PCSK5: variants seen among roughly 807,000 people sequenced by gnomAD.
PCSK5 encodes the protein proprotein convertase subtilisin/kexin type 5, also known as prohormone convertase 5.
A neutral mutation model predicts 233.2 loss-of-function variants in PCSK5; 129 were observed. The observed-to-expected ratio is 0.55, with a 90% confidence interval of 0.48 to 0.64. The LOEUF (loss-of-function observed/expected upper bound fraction) is 0.64. PCSK5 is among the 30% of genes least tolerant of loss of function. PCSK5 has a pLI of 0.00. For missense variants in PCSK5, 2,076 were observed against 2,430.1 expected (o/e 0.85, Z 3.06); for synonymous variants, 825 against 879.2 (o/e 0.94, Z 1.09).
chr9:76,142,844 C>T (rs1823282226), intron 10 of PCSK5, among the ~76,000 whole-genome samples: 1 of 152,150 alleles, frequency 6.6e-6, no homozygotes, highest in Non-Finnish European at 1.5e-5. Flanking sequence ...TCTTTGTAGT[C>T]TGTTTTCTCT....
intron 8 of PCSK5, among the ~76,000 whole-genome samples, chr9:76,106,616 T>C (rs572293440): frequency 1.3e-5 from 2 of 152,386 alleles, no homozygotes; most frequent in Non-Finnish European, 2.9e-5. Flanking sequence ...TGTAATTGCA[T>C]ATCAAGTACA....
chr9:76,331,862 A>G (rs1408336263), intron 33 of PCSK5, among the ~76,000 whole-genome samples: 1 of 152,200 alleles, frequency 6.6e-6, no homozygotes, highest in East Asian at 1.9e-4. Context: ...AGAGCCTCTA[A>G]AAGGAACAGA....
chr9:75,925,149 G>A (rs1188093714), intron 1 of PCSK5, among the ~76,000 whole-genome samples: 3 of 152,198 alleles, frequency 2.0e-5, no homozygotes, highest in Non-Finnish European at 4.4e-5. Flanking sequence ...GTGATGGGAT[G>A]AGGGAGGGGA....
intron 9 of PCSK5, among the ~76,000 whole-genome samples, chr9:76,121,005 T>C (rs963679232): frequency 6.6e-6 from 1 of 152,138 alleles, no homozygotes; most frequent in African/African-American, 2.4e-5. Context: ...GAAGCTGATA[T>C]CATCACAGTA....
intron 3 of PCSK5, among the ~76,000 whole-genome samples, chr9:76,008,369 T>C (rs2131446336): frequency 6.6e-6 from 1 of 152,294 alleles, no homozygotes; most frequent in Non-Finnish European, 1.5e-5. Context: ...GATTAAGATT[T>C]AGATGGCTTT....
chr9:76,177,055 C>T (rs1042946278), intron 14 of PCSK5, among the ~76,000 whole-genome samples: 3 of 152,008 alleles, frequency 2.0e-5, no homozygotes, highest in East Asian at 3.9e-4. Context: ...TTTGGGAGGC[C>T]GAGGAGGGTG....
At chr9:76,063,335 T>TC (rs1344658896) in intron 5 of PCSK5, among the ~76,000 whole-genome samples, 1 of 138,150 alleles carries the variant, frequency 7.2e-6, no homozygotes, top group Non-Finnish European at 1.6e-5. Flanking sequence ...TTTTTTTTTT[T>TC]TTTTTTTTTT....
intron 3 of PCSK5, among the ~76,000 whole-genome samples, chr9:76,023,464 A>C (rs560523709): frequency 3.2e-4 from 49 of 152,240 alleles, no homozygotes; most frequent in Non-Finnish European, 6.2e-4. Context: ...CAGGAGTTCA[A>C]GACCAGCCTG....
intron 20 of PCSK5, chr9:76,193,557 T>TACA (rs745323476): frequency 6.1e-6 from 3 of 491,092 alleles, no homozygotes; most frequent in East Asian, 6.5e-5. Context: ...AAAATAAAAC[T>TACA]ACAACAAGCC....
chr9:75,970,367 A>C (rs974774158), intron 2 of PCSK5, among the ~76,000 whole-genome samples: 5 of 152,204 alleles, frequency 3.3e-5, no homozygotes, highest in Non-Finnish European at 7.3e-5. Context: ...ATTACAAGTC[A>C]GAAAGTGCCC....
chr9:76,335,884 A>G (rs910781832), intron 34 of PCSK5, among the ~76,000 whole-genome samples: 2 of 152,182 alleles, frequency 1.3e-5, no homozygotes, highest in Non-Finnish European at 2.9e-5. Context: ...TCTCCATTTT[A>G]CAGATGAAGA....
chr9:76,153,147 GGA>G, intron 10 of PCSK5, among the ~76,000 whole-genome samples: 1 of 152,120 alleles, frequency 6.6e-6, no homozygotes, highest in Non-Finnish European at 1.5e-5. Flanking sequence ...GAACTCTAAA[GGA>G]ACAGATATAA....
chr9:75,934,420 T>C (rs937285622), intron 2 of PCSK5, among the ~76,000 whole-genome samples: 1 of 152,126 alleles, frequency 6.6e-6, no homozygotes, highest in East Asian at 1.9e-4. Context: ...GCCCCTAGCA[T>C]ATGCCAGGCC....
intron 12 of PCSK5, among the ~76,000 whole-genome samples, chr9:76,167,580 C>T (rs1358581410): frequency 2.0e-5 from 3 of 152,130 alleles, no homozygotes; most frequent in Non-Finnish European, 4.4e-5. Flanking sequence ...TGTTTCTGAA[C>T]CCTTTAGCTT....
intron 2 of PCSK5, among the ~76,000 whole-genome samples, chr9:75,942,545 A>G (rs1824359019): frequency 6.6e-6 from 1 of 152,190 alleles, no homozygotes; most frequent in Admixed American, 6.5e-5. Flanking sequence ...GGCAAAACAT[A>G]ACAGGCTCAG....
chr9:76,054,254 T>A (rs1829743278), intron 5 of PCSK5, among the ~76,000 whole-genome samples: 2 of 152,164 alleles, frequency 1.3e-5, no homozygotes, highest in African/African-American at 4.8e-5. Context: ...CCAAACCATA[T>A]CACCCTGCCT....
chr9:76,069,996 ATTTTTTTTTTT>A, intron 6 of PCSK5, among the ~76,000 whole-genome samples: 1 of 122,566 alleles, frequency 8.2e-6, no homozygotes, highest in Non-Finnish European at 1.7e-5. Flanking sequence ...TTCCATTCCA[ATTTTTTTTTTT>A]TTTTTTTTTT....
intron 1 of PCSK5, among the ~76,000 whole-genome samples, chr9:75,928,579 G>A (rs1823607574): frequency 9.6e-6 from 1 of 104,348 alleles, no homozygotes; most frequent in South Asian, 3.4e-4. Flanking sequence ...ACATAAACAT[G>A]CTTTTACATA....
chr9:75,911,815 C>T (rs976340448), intron 1 of PCSK5, among the ~76,000 whole-genome samples: 2 of 152,162 alleles, frequency 1.3e-5, no homozygotes, highest in East Asian at 1.9e-4. Flanking sequence ...GAAGGTATCC[C>T]AGCAGCTTGA....
Sources: gnomAD v4.1 joint callset for allele counts (sites outside exome capture counted in the v4.1 genomes callset) on GRCh38, gnomAD v4.1.1 for gene constraint, MANE v1.5 for transcripts, NCBI Gene and HGNC (gene_info 2026-07-23, HGNC 2026-07-21) for gene names.